The following CNTNAP2 variants were observed in gnomAD, a reference collection of about 807,000 sequenced individuals.
The protein encoded by CNTNAP2 is contactin-associated protein-like 2.
Under a neutral mutation model 155.2 loss-of-function variants are expected in CNTNAP2, and 98 were observed. The ratio of observed to expected loss-of-function variants is 0.63; its 90% CI spans 0.54 to 0.75. CNTNAP2 has a LOEUF of 0.75. Among genes scored for constraint, CNTNAP2 ranks in the 30% least tolerant of loss-of-function variants. CNTNAP2 has a pLI of 0.00. For missense variants in CNTNAP2, 1,727 were observed against 1,688.1 expected, an observed-to-expected ratio of 1.02 and a Z score of -0.40; for synonymous variants, 651 against 631.2, an observed-to-expected ratio of 1.03 and a Z score of -0.47.
chr7:147,445,472 CAT>C (rs1797718297), intron 10 of CNTNAP2, among the ~76,000 whole-genome samples: 1 of 152,110 alleles, frequency 6.6e-6, no homozygotes, highest in African/African-American at 2.4e-5. Flanking sequence ...GTGGGTTAGA[CAT>C]ATTAGAATAC....
intron 1 of CNTNAP2, among the ~76,000 whole-genome samples, chr7:146,121,327 A>G (rs1797560558): frequency 6.6e-6 from 1 of 151,916 alleles, no homozygotes; most frequent in South Asian, 2.1e-4. Context: ...TTTATGATTG[A>G]AAGAGAAGAA....
At chr7:147,262,899 A>G (rs1362289884) in intron 8 of CNTNAP2, among the ~76,000 whole-genome samples, 4 of 152,356 alleles carry the variant, frequency 2.6e-5, no homozygotes, top group Admixed American at 2.6e-4. Context: ...TTGGACTTCC[A>G]GCCTCCAGAG....
chr7:148,266,632 T>A (rs1185331999), intron 20 of CNTNAP2, among the ~76,000 whole-genome samples: 1 of 151,938 alleles, frequency 6.6e-6, no homozygotes, highest in Non-Finnish European at 1.5e-5. Flanking sequence ...GTGTGTGTGA[T>A]CATGTCACAA....
At chr7:146,312,696 C>T (rs902676855) in intron 1 of CNTNAP2, among the ~76,000 whole-genome samples, 2 of 151,988 alleles carry the variant, frequency 1.3e-5, no homozygotes, top group African/African-American at 4.8e-5. Flanking sequence ...TTCTTTGTAC[C>T]TCTGATTAAC....
In CNTNAP2 at chr7:148,095,332, A is replaced by G. The variant is rs548140862; in HGVS notation, c.2384-22786A>G. Among the ~76,000 whole-genome samples the G allele has an allele frequency of 1.3e-4, 20 of 152,338 alleles. No individual in the cohort carries two copies. The South Asian group carries it at 3.3e-3, about 25-fold the overall frequency. On this transcript the variant is annotated intron_variant, in intron 15 of 23. Transcript: ENST00000361727. ...GTCAGGAGCGAGGATTCCTTGGCAG[A>G]TCGTCCCTGTGTTCTCTGCATGAGG...
rs551971255 is a variant in CNTNAP2 at position 147,267,576 on chromosome 7, T to A, written c.1349-32565T>A. ...TTAACACATTTTTTTTTTTCTGAAT[T>A]CCTATAATAGTGCTGCTATCCACGC... is the stretch of plus-strand genomic sequence containing the variant. On this transcript the variant is annotated intron_variant, in intron 8 of 23. Transcript: ENST00000361727. Among the ~76,000 whole-genome samples, 26 of 151,844 alleles carry A rather than the reference T, an allele frequency of 1.7e-4. 1 individual carries two copies. In the East Asian group the frequency reaches 4.5e-3, roughly 26 times the overall value.
chr7:147,457,096 T>C (rs141898526), intron 10 of CNTNAP2, among the ~76,000 whole-genome samples: 1,921 of 152,294 alleles, frequency 0.013, 17 homozygotes, highest in Middle Eastern at 0.024. Flanking sequence ...TTCTGATATT[T>C]TCCTTTGTTC....
Position 147,247,719 on chromosome 7 carries a change from C to T in CNTNAP2, c.1349-52422C>T, listed in dbSNP as rs189537034. ...ATCATTTGCAAGAGTATATGGAATA[C>T]TGAAGTTTCTTCTAATAATATCAAA... On this transcript the variant is annotated intron_variant, in intron 8 of 23. Coordinates refer to ENST00000361727, the MANE Select transcript of CNTNAP2 (RefSeq NM_014141.6). Among the ~76,000 whole-genome samples, 3 of 152,224 alleles carry T rather than the reference C, an allele frequency of 2.0e-5. No individual in the cohort carries two copies. The East Asian group carries it at 5.8e-4, about 29-fold the overall frequency.
chr7:147,559,506 AT>A (rs752902927), intron 11 of CNTNAP2, among the ~76,000 whole-genome samples: 8 of 152,264 alleles, frequency 5.3e-5, no homozygotes, highest in African/African-American at 9.6e-5. Flanking sequence ...GTGAGGAGAT[AT>A]TTGGGTAGAA....
chr7:148,023,167 T>G (rs1255775125), intron 15 of CNTNAP2, among the ~76,000 whole-genome samples: 1 of 152,092 alleles, frequency 6.6e-6, no homozygotes, highest in Non-Finnish European at 1.5e-5. Context: ...TTCCAATATC[T>G]CCATTGTTTC....
intron 3 of CNTNAP2, among the ~76,000 whole-genome samples, chr7:146,849,917 A>G (rs10238123): frequency 0.037 from 5,571 of 152,256 alleles, 337 homozygotes; most frequent in African/African-American, 0.12. Context: ...AGCCCGGGTC[A>G]TCTTGCACAG....
At chr7:147,566,868 A>G (rs983444397) in intron 12 of CNTNAP2, among the ~76,000 whole-genome samples, 4 of 152,152 alleles carry the variant, frequency 2.6e-5, no homozygotes, top group African/African-American at 9.7e-5. Context: ...AAATATACAT[A>G]ATTGAGGGTA....
intron 16 of CNTNAP2, among the ~76,000 whole-genome samples, chr7:148,128,629 G>A (rs1804763847): frequency 6.6e-6 from 1 of 152,190 alleles, no homozygotes; most frequent in Non-Finnish European, 1.5e-5. Context: ...ACAGTTATTT[G>A]AATGTACAGT....
intron 6 of CNTNAP2, among the ~76,000 whole-genome samples, chr7:147,123,385 C>A (rs767602310): frequency 5.3e-5 from 8 of 152,196 alleles, no homozygotes; most frequent in Non-Finnish European, 1.0e-4. Flanking sequence ...GGGTCATAAA[C>A]CCTGTTGAGT....
At chr7:146,196,978 C>G (rs1798786022) in intron 1 of CNTNAP2, among the ~76,000 whole-genome samples, 1 of 152,048 alleles carries the variant, frequency 6.6e-6, no homozygotes, top group South Asian at 2.1e-4. Context: ...TATTTTTGTA[C>G]AAATTTTTTT....
At chr7:146,254,313 A>G (rs530840806) in intron 1 of CNTNAP2, among the ~76,000 whole-genome samples, 51 of 152,382 alleles carry the variant, frequency 3.3e-4, no homozygotes, top group African/African-American at 1.2e-3. Context: ...AGCCTCAATT[A>G]TCTAATAAGC....
chr7:146,971,069 G>A (rs1470955395), intron 3 of CNTNAP2, among the ~76,000 whole-genome samples: 1 of 152,066 alleles, frequency 6.6e-6, no homozygotes, highest in Non-Finnish European at 1.5e-5. Context: ...TGTGGGGTTG[G>A]AGGGGGAGGG....
At chr7:146,943,964 A>G (rs1218318690) in intron 3 of CNTNAP2, among the ~76,000 whole-genome samples, 1 of 152,124 alleles carries the variant, frequency 6.6e-6, no homozygotes, top group Non-Finnish European at 1.5e-5. Flanking sequence ...AATTTGTACT[A>G]TAGTTAATTT....
At chr7:147,494,028 G>T (rs748917404) in intron 11 of CNTNAP2, among the ~76,000 whole-genome samples, 4 of 152,094 alleles carry the variant, frequency 2.6e-5, no homozygotes, top group Admixed American at 6.6e-5. Flanking sequence ...GGAAAAGCTC[G>T]CATTCTCACC....
Sources: gnomAD v4.1 joint callset for allele counts (sites outside exome capture counted in the v4.1 genomes callset) on GRCh38, gnomAD v4.1.1 for gene constraint, MANE v1.5 for transcripts, NCBI Gene and HGNC (gene_info 2026-07-23, HGNC 2026-07-21) for gene names.